Variants in NSD1 observed in about 807,000 individuals in gnomAD.
The protein encoded by NSD1 is histone-lysine N-methyltransferase, H3 lysine-36 specific.
A neutral mutation model predicts 242.7 loss-of-function variants in NSD1; 26 were observed. The ratio of observed to expected loss-of-function variants is 0.11; its 90% CI spans 0.08 to 0.15. The LOEUF is 0.15. Among genes scored for constraint, NSD1 ranks in the 10% least tolerant of loss-of-function variants. The pLI is 1.00. For synonymous variants in NSD1, 1,106 were observed against 1,178.1 expected (o/e 0.94, Z 1.25); for missense variants, 2,495 against 3,272.8 (o/e 0.76, Z 5.80).
In NSD1 at chr5:177,288,703, G is replaced by A. The variant is rs991627218; in HGVS notation, c.6152-116G>A. On this transcript the variant is annotated intron_variant, in intron 20 of 22. Coordinates refer to ENST00000439151, the MANE Select transcript of NSD1 (RefSeq NM_022455.5). ...GAATTAATTAAAATATAGGATTAGA[G>A]CTAAATTCTTTTTAAAATTAATCTG... The A allele has an allele frequency of 1.2e-5, 9 of 770,394 alleles. No homozygotes were observed. The African/African-American group carries it at 1.4e-4, about 12-fold the overall frequency. 47.7% of individuals were successfully genotyped at this position (770,394 alleles called of 1,614,324 possible). A position where few individuals can be genotyped will look rare whatever the true frequency, so the allele number is the denominator to read the frequency against.
Position 177,269,537 on chromosome 5 carries a change from T to C in NSD1, c.5304-65T>C. 1 of 1,373,814 alleles carries C rather than the reference T, an allele frequency of 7.3e-7. No individual in the cohort carries two copies. The highest frequency in any genetic ancestry group is 1.0e-6 in the Non-Finnish European group (1 of 965,826). The allele number at this position is 1,373,814 out of a possible 1,614,324, so 85.1% of individuals were successfully genotyped here. On this transcript the variant is annotated intron_variant, in intron 15 of 22. Coordinates refer to ENST00000439151, the MANE Select transcript of NSD1 (RefSeq NM_022455.5). The surrounding 1 kb of genome is among the most constrained non-coding windows in gnomAD (Gnocchi z 5.1). ...TTGCTAATCCTTACTTTTATATGAG[T>C]AGGTTATTTTCCTAATGCCTTGCAG... is the stretch of plus-strand genomic sequence containing the variant.
chr5:177,137,786 T>C (rs1756462053), intron 2 of NSD1, among the ~76,000 whole-genome samples: 1 of 151,780 alleles, frequency 6.6e-6, no homozygotes, highest in African/African-American at 2.4e-5. Context: ...ATTGGTTCTA[T>C]TAAAAAAAAA....
intron 2 of NSD1, among the ~76,000 whole-genome samples, chr5:177,174,278 C>T (rs575109994): frequency 3.3e-5 from 5 of 152,240 alleles, no homozygotes; most frequent in African/African-American, 7.2e-5. Flanking sequence ...CACTTAAACG[C>T]GGGAGGCGGA....
chr5:177,244,171 G>A (rs1283505107), intron 8 of NSD1, 24 bp from the exon 9 acceptor site: 3 of 1,532,970 alleles, frequency 2.0e-6, no homozygotes, highest in Admixed American at 1.7e-5. Flanking sequence ...CTCTGTAAAT[G>A]GTGTTGTTTT....
intron 2 of NSD1, among the ~76,000 whole-genome samples, chr5:177,178,464 G>A (rs1390684968): frequency 6.6e-6 from 1 of 152,154 alleles, no homozygotes; most frequent in African/African-American, 2.4e-5. Flanking sequence ...GACCTTAGGT[G>A]ATCCACCTGC....
intron 2 of NSD1, among the ~76,000 whole-genome samples, chr5:177,144,215 T>C (rs1417079275): frequency 2.0e-5 from 3 of 150,286 alleles, no homozygotes; most frequent in African/African-American, 7.6e-5. Flanking sequence ...GAAAGATATT[T>C]TTGAGTTTTT....
chr5:177,249,738 C>T (rs1377690676), intron 11 of NSD1, among the ~76,000 whole-genome samples: 1 of 152,322 alleles, frequency 6.6e-6, no homozygotes, highest in Admixed American at 6.5e-5. Context: ...CTGCCCGCCT[C>T]GGCCTCCCAA....
At chr5:177,280,385 G>A (rs1383197895) in intron 17 of NSD1, among the ~76,000 whole-genome samples, 180 bp from the exon 18 acceptor site, 1 of 152,110 alleles carries the variant, frequency 6.6e-6, no homozygotes. Flanking sequence ...AGCAATTCTT[G>A]TGGAGTTCAT....
intron 2 of NSD1, among the ~76,000 whole-genome samples, chr5:177,174,964 T>C (rs1023526175): frequency 4.8e-5 from 7 of 146,578 alleles, no homozygotes; most frequent in African/African-American, 1.5e-4. Context: ...CTCTGCCTCC[T>C]GGGTTCACGC....
intron 18 of NSD1, 66 bp downstream of exon 18, chr5:177,280,900 G>A (rs913023429): frequency 6.6e-7 from 1 of 1,522,380 alleles, no homozygotes; most frequent in South Asian, 1.2e-5. Context: ...ATTGATCCTT[G>A]ACATTAGAAA....
At chr5:177,233,305 G>A (rs1295845587) in intron 5 of NSD1, among the ~76,000 whole-genome samples, 1 of 152,092 alleles carries the variant, frequency 6.6e-6, no homozygotes, top group Non-Finnish European at 1.5e-5. Context: ...CTGGGCTCAA[G>A]TGATCTTCCT....
chr5:177,208,857 G>A (rs1199709608), intron 4 of NSD1, among the ~76,000 whole-genome samples: 1 of 151,900 alleles, frequency 6.6e-6, no homozygotes, highest in Non-Finnish European at 1.5e-5. Flanking sequence ...CACCACACCT[G>A]GCTAATTTTT....
intron 19 of NSD1, among the ~76,000 whole-genome samples, chr5:177,283,238 G>A (rs962590524): frequency 2.0e-5 from 3 of 152,330 alleles, no homozygotes; most frequent in Middle Eastern, 3.4e-3. Context: ...ACAGGCATGA[G>A]CCACCGCACC....
intron 8 of NSD1, among the ~76,000 whole-genome samples, chr5:177,243,704 T>C (rs748945882): frequency 6.6e-6 from 1 of 152,086 alleles, no homozygotes; most frequent in Non-Finnish European, 1.5e-5. Flanking sequence ...GTTTTTGTTT[T>C]GTTTTAAGAT....
intron 21 of NSD1, 134 bp from the exon 22 acceptor site, chr5:177,291,820 C>G: frequency 1.1e-6 from 1 of 877,016 alleles, no homozygotes; most frequent in South Asian, 1.4e-5. Context: ...TACCAGGTAC[C>G]TTTCCTGCAT....
intron 5 of NSD1, among the ~76,000 whole-genome samples, chr5:177,223,900 C>T (rs947857526): frequency 1.3e-5 from 2 of 152,220 alleles, no homozygotes; most frequent in South Asian, 2.1e-4. Flanking sequence ...GCAGGAGAAT[C>T]GCCTGAACCT....
intron 2 of NSD1, among the ~76,000 whole-genome samples, chr5:177,148,730 G>A (rs1207220123): frequency 6.6e-6 from 1 of 152,086 alleles, no homozygotes; most frequent in Non-Finnish European, 1.5e-5. Flanking sequence ...CTGGCCCAAT[G>A]TTCAGTTTTA....
chr5:177,272,874 C>T (rs1758055123), intron 16 of NSD1, among the ~76,000 whole-genome samples: 1 of 151,896 alleles, frequency 6.6e-6, no homozygotes, highest in East Asian at 1.9e-4. Context: ...TAGAGTGAGA[C>T]CCTGTCTCAA....
chr5:177,159,022 A>ATATATATATG lies in NSD1; in HGVS notation c.927+22995_927+22996insATATATGTAT, dbSNP rs1215294756. On this transcript the variant is annotated intron_variant, in intron 2 of 22. Transcript: ENST00000439151. ...TTTATATATATATATATATATATAT[A>ATATATATATG]TATGAATGATATATATATATATATA... Among the ~76,000 whole-genome samples the ATATATATATG allele has an allele frequency of 5.3e-4, 64 of 121,414 alleles. No individual in the cohort carries two copies. In the Middle Eastern group the frequency reaches 0.016, roughly 30 times the overall value. The allele number at this position is 121,414 out of a possible 152,430, so 79.7% of individuals were successfully genotyped here. A position where few individuals can be genotyped will look rare whatever the true frequency, so the allele number is the denominator to read the frequency against.
Sources: allele counts gnomAD v4.1 joint callset (sites outside exome capture counted in the v4.1 genomes callset), GRCh38; gene constraint gnomAD v4.1.1; non-coding constraint Gnocchi (gnomAD v3.1); transcripts MANE v1.5; gene names NCBI Gene and HGNC (gene_info 2026-07-23, HGNC 2026-07-21).